Variants in AKNA observed in about 807,000 individuals in gnomAD.
AKNA encodes microtubule organization protein AKNA.
A neutral mutation model predicts 138.8 loss-of-function variants in AKNA; 67 were observed. The ratio of observed to expected loss-of-function variants is 0.48; its 90% CI spans 0.40 to 0.59. AKNA has a LOEUF of 0.59. Ranked by LOEUF, AKNA falls within the 20% of genes least tolerant of loss-of-function variation. The pLI is 0.00. For synonymous variants in AKNA, 737 were observed against 754.4 expected (o/e 0.98, Z 0.38); for missense variants, 1,813 against 1,880.4 (o/e 0.96, Z 0.66).
chr9:114,341,647 G>A lies in AKNA; in HGVS notation c.3953C>T (p.Ser1318Leu), dbSNP rs946487891. ...PKQRSKQAGS[S>L]PRPPPGLWYL... ...CCACAGTCCGGGGGGTGGGCGTGGC[G>A]ACGACCCCGCCTGCTTGCTCCTCTG... The change falls in exon 21 of 22, where the codon TCG becomes TTG. Residue 1318 changes from serine (S) to leucine (L), a missense_variant. Physicochemically the swap from Ser to Leu is moderately radical, Grantham distance 145. Transcript: ENST00000374088. The A allele has an allele frequency of 3.0e-5, 48 of 1,610,014 alleles. No individual in the cohort carries two copies. The highest frequency in any genetic ancestry group is 3.9e-5 in the Non-Finnish European group (46 of 1,178,738).
chr9:114,364,054 T>G (rs1430974728), intron 7 of AKNA, among the ~76,000 whole-genome samples: 1 of 152,056 alleles, frequency 6.6e-6, no homozygotes, highest in Non-Finnish European at 1.5e-5. Flanking sequence ...TCCAAACTTT[T>G]GGCAACTATT....
At chr9:114,342,721 C>T (rs574963164) in intron 19 of AKNA, among the ~76,000 whole-genome samples, 1 of 152,190 alleles carries the variant, frequency 6.6e-6, no homozygotes, top group African/African-American at 2.4e-5. Context: ...CCACCACTCC[C>T]TCTGGGAAGC....
Position 114,368,551 on chromosome 9 carries a change from G to C in AKNA, c.1461C>G (p.His487Gln), listed in dbSNP as rs1832543093. Reference sequence around the variant, plus strand: ...TGGTCCCCTGGGGCACCATTCCCGTGTGGATGCTGTGGTTGGGCTGGGGTG... The same window carrying C: ...TGGTCCCCTGGGGCACCATTCCCGTCTGGATGCTGTGGTTGGGCTGGGGTG... ...SDPPQPNHSI[H>Q]TGMVPQGTKV... Residue 487 changes from histidine to glutamine, a missense_variant, in exon 5 of 22, where the codon CAC becomes CAG. His to Gln is a conservative substitution (Grantham distance 24, BLOSUM62 0). Transcript: ENST00000374088. 2.1e-6 allele frequency: 3 copies of C among 1,397,446 alleles called. No individual in the cohort carries two copies. The Admixed American group carries it at 8.8e-5, about 41-fold the overall frequency. The allele number at this position is 1,397,446 out of a possible 1,614,324, so 86.6% of individuals were successfully genotyped here. A position where few individuals can be genotyped will look rare whatever the true frequency, so the allele number is the denominator to read the frequency against.
chr9:114,330,804 C>T (rs150123372), downstream of AKNA: 11 of 1,613,786 alleles, frequency 6.8e-6, no homozygotes, highest in East Asian at 2.2e-5. Flanking sequence ...AGAACCAGTG[C>T]TTCTATAACT....
upstream of AKNA, among the ~76,000 whole-genome samples, chr9:114,391,445 T>C (rs996228163): frequency 2.6e-5 from 4 of 152,120 alleles, no homozygotes; most frequent in Admixed American, 1.3e-4. Flanking sequence ...AACGTTTAAG[T>C]GGGGAGAACA....
At position 114,362,402 on chromosome 9, in the gene AKNA, G is replaced by A; in HGVS notation, c.1916+4C>T. ...CCTTCCAGGCCTTCCACCCCAGCAGGTACCTGCGAGGATCAAATCTTCCAG... is the reference window on the plus strand; with the variant it reads ...CCTTCCAGGCCTTCCACCCCAGCAGATACCTGCGAGGATCAAATCTTCCAG... On this transcript the variant is annotated splice_donor_region_variant and intron_variant, in intron 8 of 21. Transcript: ENST00000374088. The A allele has an allele frequency of 6.2e-7, 1 of 1,609,710 alleles. No individual in the cohort carries two copies. Among genetic ancestry groups the A allele is most frequent in the Non-Finnish European group, 8.5e-7 (1 of 1,177,878 alleles).
intron 4 of AKNA, among the ~76,000 whole-genome samples, chr9:114,372,600 C>T (rs958549186): frequency 6.6e-6 from 1 of 152,194 alleles, no homozygotes; most frequent in South Asian, 2.1e-4. Context: ...CCTCCAGCCC[C>T]CGCCACTCCA....
Position 114,337,013 on chromosome 9 carries a change from GC to G in AKNA, c.*40del, listed in dbSNP as rs1830029125. ...CCACTCCTGGCCTGGCAGGCCACCT[GC>G]CCACCCACCCACCCATCTGCCTCTG... On this transcript the variant is annotated 3_prime_UTR_variant, in exon 22 of 22. Coordinates refer to ENST00000374088, the MANE Select transcript of AKNA (RefSeq NM_001317950.2). 9 of 1,185,320 alleles carry G rather than the reference GC, an allele frequency of 7.6e-6. No individual in the cohort carries two copies. Among genetic ancestry groups the G allele is most frequent in the Non-Finnish European group, 9.8e-6 (9 of 921,666 alleles). The allele number at this position is 1,185,320 out of a possible 1,614,324, so 73.4% of individuals were successfully genotyped here. A position where few individuals can be genotyped will look rare whatever the true frequency, so the allele number is the denominator to read the frequency against.
chr9:114,336,880 A>G lies in AKNA; in HGVS notation c.*174T>C. The G allele has an allele frequency of 2.7e-6, 2 of 752,686 alleles. No homozygotes were observed. Among genetic ancestry groups the G allele is most frequent in the Non-Finnish European group, 1.9e-6 (1 of 532,846 alleles). The allele number at this position is 752,686 out of a possible 1,614,324, so 46.6% of individuals were successfully genotyped here. A position where few individuals can be genotyped will look rare whatever the true frequency, so the allele number is the denominator to read the frequency against. On this transcript the variant is annotated 3_prime_UTR_variant, in exon 22 of 22. Coordinates refer to ENST00000374088, the MANE Select transcript of AKNA (RefSeq NM_001317950.2). ...CACTTCTCTTGGTGACCGAGCTGAC[A>G]CCCCCTCCACTTGGAAAGCACAGGG... is the stretch of plus-strand genomic sequence containing the variant.
chr9:114,331,825 G>C (rs375310283), downstream of AKNA: 20 of 1,613,502 alleles, frequency 1.2e-5, no homozygotes, highest in Non-Finnish European at 1.7e-5. Context: ...TCCCCCTGCA[G>C]CTGACAAGCC....
At chr9:114,370,725 G>C (rs1259939061) in intron 4 of AKNA, among the ~76,000 whole-genome samples, 1 of 152,198 alleles carries the variant, frequency 6.6e-6, no homozygotes, top group Non-Finnish European at 1.5e-5. Context: ...TTAAACAAAT[G>C]AATATTCTCT....
chr9:114,362,377 C>A (rs779741260), intron 8 of AKNA, 29 bp downstream of exon 8: 2 of 1,597,286 alleles, frequency 1.3e-6, no homozygotes, highest in East Asian at 2.3e-5. Context: ...TCCCATCTGT[C>A]CTTCCAGGCC....
intron 1 of AKNA, among the ~76,000 whole-genome samples, chr9:114,386,366 A>T (rs1834031429): frequency 6.6e-6 from 1 of 152,112 alleles, no homozygotes; most frequent in South Asian, 2.1e-4. Context: ...TGGGGAGGGC[A>T]TTCCAGGCAG....
Position 114,355,932 on chromosome 9 carries a change from G to A in AKNA, c.3051C>T (p.Ala1017=), listed in dbSNP as rs879014025. Residue 1017 remains alanine, a synonymous_variant, in exon 14 of 22, where the codon GCC becomes GCT. Transcript: ENST00000374088. ...TCAGACTCCTGCACTCACCCATCTC[G>A]GCTGCCAGTGTCCGCTCCAGGCTGA... ...PNFSLERTLA[A]EMAVPGSEFE... is the part of the protein sequence containing the mutation. The A allele has an allele frequency of 5.6e-6, 9 of 1,613,930 alleles. No individual in the cohort carries two copies. In the African/African-American group the frequency reaches 6.7e-5, roughly 12 times the overall value.
intron 13 of AKNA, 41 bp from the exon 14 acceptor site, chr9:114,356,177 G>C: frequency 6.4e-7 from 1 of 1,569,442 alleles, no homozygotes. Flanking sequence ...GGGTCACACA[G>C]AGTGAGACAC....
At chr9:114,330,798 C>T (rs775419670), downstream of AKNA, 1 of 1,613,822 alleles carries the variant, frequency 6.2e-7, no homozygotes, top group Non-Finnish European at 8.5e-7. Context: ...TTAGCCAGAA[C>T]CAGTGCTTCT....
intron 8 of AKNA, among the ~76,000 whole-genome samples, 173 bp from the exon 9 acceptor site, chr9:114,362,084 T>C (rs180688505): frequency 2.0e-3 from 306 of 152,248 alleles, no homozygotes; most frequent in African/African-American, 7.3e-3. Context: ...GAAGGTTCCA[T>C]TGGGAATCAG....
At chr9:114,354,449 C>G (rs1588967169) in intron 14 of AKNA, among the ~76,000 whole-genome samples, 1 of 152,198 alleles carries the variant, frequency 6.6e-6, no homozygotes, top group Non-Finnish European at 1.5e-5. Context: ...CGCGGTGGCT[C>G]ACGCCTGTAA....
intron 4 of AKNA, among the ~76,000 whole-genome samples, chr9:114,373,280 G>A (rs886886793): frequency 1.3e-5 from 2 of 152,120 alleles, no homozygotes; most frequent in South Asian, 2.1e-4. Context: ...AGCCTCCTCC[G>A]AAGACGGGGT....
Sources: gnomAD v4.1 joint callset for allele counts (sites outside exome capture counted in the v4.1 genomes callset) on GRCh38, gnomAD v4.1.1 for gene constraint, MANE v1.5 for transcripts, NCBI Gene and HGNC (gene_info 2026-07-23, HGNC 2026-07-21) for gene names.